The following NCAM1 variants were observed in gnomAD, a reference collection of about 807,000 sequenced individuals.
NCAM1 encodes neural cell adhesion molecule 1, also known as antigen recognized by monoclonal antibody 5.1H11.
Under a neutral mutation model 109.8 loss-of-function variants are expected in NCAM1, and 14 were observed. The observed-to-expected ratio is 0.13, with a 90% CI of 0.08 to 0.20. NCAM1 has a LOEUF of 0.20. Among genes scored for constraint, NCAM1 ranks in the 10% least tolerant of loss-of-function variants. The probability of loss-of-function intolerance (pLI) is 1.00; values close to 1 mark genes in which losing one functional copy is unlikely to be tolerated. For synonymous variants in NCAM1, 418 were observed against 442.9 expected (o/e 0.94, Z 0.70); for missense variants, 774 against 1,109.9 (o/e 0.70, Z 4.30).
At chr11:113,244,295 G>T (rs190811473) in intron 14 of NCAM1, among the ~76,000 whole-genome samples, 3 of 152,298 alleles carry the variant, frequency 2.0e-5, no homozygotes, top group Admixed American at 6.5e-5. Context: ...AAGGAATTAG[G>T]TGTCTCTCCC....
chr11:113,162,843 G>A (rs1309457553), intron 1 of NCAM1, among the ~76,000 whole-genome samples: 1 of 152,134 alleles, frequency 6.6e-6, no homozygotes, highest in Non-Finnish European at 1.5e-5. Flanking sequence ...CCACCCTAGT[G>A]GCCACCCGAG....
intron 9 of NCAM1, 102 bp from the exon 10 acceptor site, chr11:113,231,543 C>T: frequency 2.5e-6 from 3 of 1,222,834 alleles, no homozygotes; most frequent in South Asian, 2.9e-5. Context: ...GGGTCACAGA[C>T]AAGTGATGGC....
intron 1 of NCAM1, among the ~76,000 whole-genome samples, chr11:113,015,882 A>C (rs12289349): frequency 0.01 from 1,523 of 152,272 alleles, 24 homozygotes; most frequent in African/African-American, 0.034. Flanking sequence ...GTTTGTCATA[A>C]AAGGAGGGCA....
intron 1 of NCAM1, among the ~76,000 whole-genome samples, chr11:113,009,319 T>TGTTGTTGTTGTTG (rs60538832): frequency 2.2e-5 from 2 of 92,358 alleles, no homozygotes; most frequent in African/African-American, 3.5e-5. Flanking sequence ...CGGGTTTTTT[T>TGTTGTTGTTGTTG]TTTTTTTTTT....
At chr11:113,238,784 G>A (rs1392524322) in intron 14 of NCAM1, among the ~76,000 whole-genome samples, 6 of 152,244 alleles carry the variant, frequency 3.9e-5, no homozygotes, top group African/African-American at 1.4e-4. Context: ...CTGTTGGGAT[G>A]CAGATGCACA....
At chr11:113,030,373 A>G (rs895592569) in intron 1 of NCAM1, among the ~76,000 whole-genome samples, 1 of 152,202 alleles carries the variant, frequency 6.6e-6, no homozygotes, top group Non-Finnish European at 1.5e-5. Context: ...AGGAGTATAT[A>G]TTGGAAGTTC....
At chr11:113,041,409 A>C (rs1953067836) in intron 1 of NCAM1, among the ~76,000 whole-genome samples, 1 of 151,950 alleles carries the variant, frequency 6.6e-6, no homozygotes, top group Non-Finnish European at 1.5e-5. Flanking sequence ...TAACTATATA[A>C]TGAATTGACC....
intron 1 of NCAM1, among the ~76,000 whole-genome samples, chr11:113,167,110 G>A (rs1307071258): frequency 6.6e-5 from 10 of 152,170 alleles, no homozygotes; most frequent in Non-Finnish European, 1.3e-4. Context: ...TAGAAAGTAC[G>A]CAGTCTGGGT....
intron 17 of NCAM1, among the ~76,000 whole-genome samples, chr11:113,265,373 A>C (rs1946117201): frequency 6.6e-6 from 1 of 152,108 alleles, no homozygotes; most frequent in Non-Finnish European, 1.5e-5. Context: ...GCATCCTAAG[A>C]GCTGTTAAGA....
At chr11:113,005,078 G>C (rs1951860381) in intron 1 of NCAM1, among the ~76,000 whole-genome samples, 1 of 152,018 alleles carries the variant, frequency 6.6e-6, no homozygotes, top group Non-Finnish European at 1.5e-5. Context: ...TATAGATGTA[G>C]TATATTCCTT....
intron 1 of NCAM1, among the ~76,000 whole-genome samples, chr11:113,034,945 G>C (rs558248081): frequency 1.3e-4 from 20 of 152,284 alleles, no homozygotes; most frequent in African/African-American, 4.8e-4. Flanking sequence ...TGGAATCTAC[G>C]TTAAGAAGAC....
At chr11:113,216,715 C>G (rs1469497701) in intron 8 of NCAM1, among the ~76,000 whole-genome samples, 3 of 152,178 alleles carry the variant, frequency 2.0e-5, no homozygotes, top group African/African-American at 4.8e-5. Context: ...AACAAGTCCT[C>G]CAAATCAGCT....
chr11:113,261,623 TCTC>T (rs1438093670), intron 17 of NCAM1, among the ~76,000 whole-genome samples: 1 of 152,158 alleles, frequency 6.6e-6, no homozygotes, highest in East Asian at 1.9e-4. Context: ...AAATGGAGGT[TCTC>T]CTTGCTTTTC....
chr11:113,002,268 A>T (rs1951774203), intron 1 of NCAM1, among the ~76,000 whole-genome samples: 1 of 152,190 alleles, frequency 6.6e-6, no homozygotes, highest in South Asian at 2.1e-4. Context: ...CAAGTAAAGG[A>T]GTGAAGGAAG....
Position 113,231,695 on chromosome 11 carries a change from G to C in NCAM1, c.1140G>C (p.Leu380=), listed in dbSNP as rs782407245. Residue 380 remains leucine, a synonymous_variant, in exon 10 of 20, where the codon CTG becomes CTC. Coordinates refer to ENST00000316851, the MANE Select transcript of NCAM1 (RefSeq NM_181351.5). ...VVRSHARVSS[L]TLKSIQYTDA... ...GTAGCCATGCCCGTGTGTCGTCGCT[G>C]ACCCTGAAGAGCATCCAGTACACTG... The C allele has an allele frequency of 6.2e-7, 1 of 1,613,882 alleles. No homozygotes were observed. Among genetic ancestry groups the C allele is most frequent in the Non-Finnish European group, 8.5e-7 (1 of 1,179,870 alleles).
rs1369828473 is a variant in NCAM1, at chr11:113,168,287, GTTTGTTTTGTTTTTGTTTT to G, written c.53-34087_53-34069del. ...TGTATTTGGTGTCTTGTTTTTGTTT[GTTTGTTTTGTTTTTGTTTT>G]TTTGCCCAATTCACTTTTACTGCTT... is the stretch of plus-strand genomic sequence containing the variant. On this transcript the variant is annotated intron_variant, in intron 1 of 19. Transcript: ENST00000316851. 2.0e-5 allele frequency among the ~76,000 whole-genome samples: 3 copies of G among 152,102 alleles called. No individual in the cohort carries two copies. The East Asian group carries it at 5.8e-4, about 29-fold the overall frequency.
intron 1 of NCAM1, among the ~76,000 whole-genome samples, chr11:113,017,635 T>TTGTGTGTGTGTGTGTGTGTGTG (rs71698389): frequency 0.13 from 19,270 of 144,882 alleles, 1,640 homozygotes; most frequent in South Asian, 0.3. Context: ...CAGTACTGTT[T>TTGTGTGTGTGTGTGTGTGTGTG]TGTGTGTGTG....
chr11:113,161,320 C>G (rs1260615457), intron 1 of NCAM1, among the ~76,000 whole-genome samples: 1 of 152,164 alleles, frequency 6.6e-6, no homozygotes, highest in Non-Finnish European at 1.5e-5. Flanking sequence ...CTCCTTACAT[C>G]TACATAGTAT....
intron 1 of NCAM1, among the ~76,000 whole-genome samples, chr11:113,004,450 C>T (rs1195622767): frequency 6.6e-6 from 1 of 151,992 alleles, no homozygotes. Flanking sequence ...CGAGATCGTG[C>T]CACTGCATTC....
Sources: allele counts gnomAD v4.1 joint callset (sites outside exome capture counted in the v4.1 genomes callset), GRCh38; gene constraint gnomAD v4.1.1; transcripts MANE v1.5; gene names NCBI Gene and HGNC (gene_info 2026-07-23, HGNC 2026-07-21).